The following LARGE1 variants were observed in gnomAD, a reference collection of about 807,000 sequenced individuals.
The protein encoded by LARGE1 is xylosyl- and glucuronyltransferase LARGE1.
LARGE1 carries 43 observed loss-of-function variants against 87.6 expected under a neutral mutation model. The observed-to-expected ratio is 0.49, with a 90% CI of 0.38 to 0.63. The LOEUF is 0.63. LARGE1 is among the 30% of genes least tolerant of loss of function. LARGE1 has a pLI of 0.00. For synonymous variants in LARGE1, 434 were observed against 394.6 expected (o/e 1.10, Z -1.18); for missense variants, 802 against 1,000.2 (o/e 0.80, Z 2.67).
At chr22:33,835,207 A>G (rs542003146) in intron 1 of LARGE1, among the ~76,000 whole-genome samples, 24 of 152,212 alleles carry the variant, frequency 1.6e-4, no homozygotes, top group South Asian at 1.4e-3. Flanking sequence ...TGGTGGTATA[A>G]TATTTTACTG....
chr22:33,234,755 G>C lies in LARGE1; in HGVS notation c.1731-67923C>G, dbSNP rs572301864. ...AGGTTTTCTCCATGTTGGCCAGGCTGGTCTTGAACTCCCCACCTCATGTGA... is the reference window on the plus strand; with the variant it reads ...AGGTTTTCTCCATGTTGGCCAGGCTCGTCTTGAACTCCCCACCTCATGTGA... On this transcript the variant is annotated intron_variant, in intron 11 of 11. Transcript: ENST00000608642. Among the ~76,000 whole-genome samples, 181 of 152,148 alleles carry C rather than the reference G, an allele frequency of 1.2e-3. 1 individual carries two copies. The highest frequency in any genetic ancestry group is 8.3e-3 in the South Asian group (40 of 4,812).
At chr22:33,449,470 T>A (rs894103511) in intron 6 of LARGE1, among the ~76,000 whole-genome samples, 1 of 152,194 alleles carries the variant, frequency 6.6e-6, no homozygotes, top group South Asian at 2.1e-4. Flanking sequence ...TTTTAGATTA[T>A]CAATGTAGCA....
In LARGE1 at chr22:33,787,405, G is replaced by T. The variant is rs148778352; in HGVS notation, c.-82-25847C>A. On this transcript the variant is annotated intron_variant, in intron 1 of 14. Transcript: ENST00000397394. The stretch of plus-strand genomic sequence containing the variant: ...TCTTCATGGGTGATATCTCAATATT[G>T]TTCTGAAACAGCTTTTAATTTCCAG... Among the ~76,000 whole-genome samples, 390 of 152,188 alleles carry T rather than the reference G, an allele frequency of 2.6e-3. 4 individuals carry two copies. Among genetic ancestry groups the T allele is most frequent in the African/African-American group, 8.8e-3 (367 of 41,510 alleles).
In LARGE1 at chr22:33,883,438, A is replaced by T. The variant is rs117460021; in HGVS notation, c.-83+36557T>A. On this transcript the variant is annotated intron_variant, in intron 1 of 14. Coordinates refer to ENST00000397394, the MANE Select transcript of LARGE1 (RefSeq NM_133642.5). ...CAAGTCACCCTCATCTCCTGCCTGA[A>T]GTACAGCCCTCCGCAGTCTCCCTGT... Among the ~76,000 whole-genome samples, 129 of 152,304 alleles carry T rather than the reference A, an allele frequency of 8.5e-4. 1 individual carries two copies. In the East Asian group the frequency reaches 0.02, roughly 24 times the overall value.
intron 1 of LARGE1, among the ~76,000 whole-genome samples, chr22:33,903,331 G>A (rs762119089): frequency 2.0e-5 from 3 of 152,130 alleles, no homozygotes; most frequent in Non-Finnish European, 4.4e-5. Flanking sequence ...CAGACTTCCA[G>A]CCTCTAGGAC....
chr22:33,592,325 TTC>T (rs1450722926), intron 5 of LARGE1, among the ~76,000 whole-genome samples: 1 of 152,182 alleles, frequency 6.6e-6, no homozygotes, highest in Admixed American at 6.5e-5. Context: ...TATTATTTTT[TTC>T]TGTCTCATCT....
chr22:33,891,255 A>G (rs1372114762), intron 1 of LARGE1, among the ~76,000 whole-genome samples: 1 of 152,100 alleles, frequency 6.6e-6, no homozygotes, highest in Non-Finnish European at 1.5e-5. Context: ...TATCTCCACC[A>G]CTAAACTTGC....
At chr22:33,105,855 C>T in the LARGE1 span, 1 of 152,292 alleles carries the variant, frequency 6.6e-6, no homozygotes, top group African/African-American at 2.4e-5. Flanking sequence ...GGCATACATC[C>T]CTCGGAGCAG....
At chr22:33,779,089 C>T (rs75457778) in intron 1 of LARGE1, among the ~76,000 whole-genome samples, 11,815 of 152,188 alleles carry the variant, frequency 0.078, 572 homozygotes, top group South Asian at 0.22. Context: ...AACATTTGCG[C>T]GTAAGTACTT....
At chr22:33,824,376 G>A (rs1272412023) in intron 1 of LARGE1, among the ~76,000 whole-genome samples, 1 of 152,214 alleles carries the variant, frequency 6.6e-6, no homozygotes, top group Admixed American at 6.5e-5. Flanking sequence ...GGTGGAAGGA[G>A]AAAGAGAGAG....
intron 1 of LARGE1, among the ~76,000 whole-genome samples, chr22:33,816,701 C>T (rs151062135): frequency 0.039 from 2,924 of 75,190 alleles, 81 homozygotes; most frequent in African/African-American, 0.084. Flanking sequence ...GACAGACAGA[C>T]AGACAGACAG....
At chr22:33,742,880 A>G (rs1002553597) in intron 2 of LARGE1, among the ~76,000 whole-genome samples, 1 of 152,070 alleles carries the variant, frequency 6.6e-6, no homozygotes, top group Non-Finnish European at 1.5e-5. Context: ...ACCCAGTGAT[A>G]AAGTCTGTAT....
At chr22:33,360,821 A>G (rs909231387) in intron 9 of LARGE1, among the ~76,000 whole-genome samples, 11 of 149,840 alleles carry the variant, frequency 7.3e-5, no homozygotes, top group African/African-American at 2.7e-4. Flanking sequence ...GAAGGCAGGT[A>G]TCTTGTCCAG....
chr22:33,827,107 A>G (rs2062815970), intron 1 of LARGE1, among the ~76,000 whole-genome samples: 1 of 152,126 alleles, frequency 6.6e-6, no homozygotes, highest in African/African-American at 2.4e-5. Flanking sequence ...TCACTCCTGT[A>G]ATCCCAGCAC....
At chr22:33,444,031 GACTT>G (rs1313714026) in intron 6 of LARGE1, among the ~76,000 whole-genome samples, 15 of 152,226 alleles carry the variant, frequency 9.9e-5, no homozygotes, top group Non-Finnish European at 1.5e-5. Flanking sequence ...ATATTCCTTT[GACTT>G]ACTATTATTA....
intron 1 of LARGE1, among the ~76,000 whole-genome samples, chr22:33,770,216 G>A (rs2085023921): frequency 6.6e-6 from 1 of 152,210 alleles, no homozygotes; most frequent in Non-Finnish European, 1.5e-5. Context: ...ACAAGTTAGT[G>A]TTGATATTAA....
intron 1 of LARGE1, among the ~76,000 whole-genome samples, chr22:33,824,661 G>A (rs1601706095): frequency 1.3e-5 from 2 of 152,190 alleles, no homozygotes; most frequent in East Asian, 1.9e-4. Context: ...CTCTACACAC[G>A]AGGTTTATAT....
At chr22:33,525,837 C>G (rs5994770) in intron 6 of LARGE1, among the ~76,000 whole-genome samples, 2,557 of 152,280 alleles carry the variant, frequency 0.017, 57 homozygotes, top group African/African-American at 0.049. Flanking sequence ...TAAAATACAG[C>G]CTTGCAAATG....
chr22:33,335,085 G>C (rs965008564), intron 10 of LARGE1, among the ~76,000 whole-genome samples: 1 of 152,238 alleles, frequency 6.6e-6, no homozygotes, highest in Non-Finnish European at 1.5e-5. Context: ...CATCCTGCAA[G>C]GCTTTTTATG....
Sources: gnomAD v4.1 joint callset for allele counts (sites outside exome capture counted in the v4.1 genomes callset) on GRCh38, gnomAD v4.1.1 for gene constraint, MANE v1.5 for transcripts, NCBI Gene and HGNC (gene_info 2026-07-23, HGNC 2026-07-21) for gene names.